The following LRRC7 variants were observed in gnomAD, a reference collection of about 807,000 sequenced individuals.
LRRC7 encodes the protein leucine rich repeat containing 7, also known as leucine-rich repeat-containing protein 7.
A neutral mutation model predicts 175.7 loss-of-function variants in LRRC7; 23 were observed. The observed-to-expected ratio is 0.13, with a 90% CI of 0.09 to 0.19. The LOEUF is 0.19. Ranked by LOEUF, LRRC7 falls within the 10% of genes least tolerant of loss-of-function variation. The pLI is 1.00. For synonymous variants in LRRC7, 685 were observed against 680.9 expected (o/e 1.01, Z -0.09); for missense variants, 1,354 against 1,904.7 (o/e 0.71, Z 5.38).
chr1:69,714,996 C>T (rs1029867137), intron 2 of LRRC7, among the ~76,000 whole-genome samples: 1 of 152,100 alleles, frequency 6.6e-6, no homozygotes, highest in Non-Finnish European at 1.5e-5. Flanking sequence ...ATTTTATGTG[C>T]TATTTATATA....
chr1:70,109,281 C>G (rs1435436767), intron 26 of LRRC7, among the ~76,000 whole-genome samples: 4 of 152,170 alleles, frequency 2.6e-5, no homozygotes, highest in African/African-American at 4.8e-5. Flanking sequence ...CTTGGCCTCC[C>G]AAAGTGCTGG....
At chr1:69,845,441 A>G (rs538537962) in intron 7 of LRRC7, among the ~76,000 whole-genome samples, 191 of 152,222 alleles carry the variant, frequency 1.3e-3, no homozygotes, top group African/African-American at 4.4e-3. Context: ...TATTTTTCAT[A>G]TAAGTTCATT....
intron 8 of LRRC7, 113 bp downstream of exon 8, chr1:69,931,683 G>A: frequency 1.2e-6 from 1 of 824,056 alleles, no homozygotes; most frequent in East Asian, 2.7e-5. Flanking sequence ...TTTGCTAAAT[G>A]TAAAAGTAAA....
intron 7 of LRRC7, among the ~76,000 whole-genome samples, chr1:69,900,588 A>G (rs1482530703): frequency 6.6e-6 from 1 of 152,194 alleles, no homozygotes; most frequent in Admixed American, 6.5e-5. Context: ...CTAAGGTGCC[A>G]AATCATAATA....
In LRRC7 at chr1:69,582,085, A is replaced by T. The variant is rs148061835; in HGVS notation, c.2+13444A>T. Reference sequence around the variant, plus strand: ...GCTCTTCATCTTCACATTTTTTTTCACTGCTGAGTTCTGTCATTTAAGACA... The same window carrying T: ...GCTCTTCATCTTCACATTTTTTTTCTCTGCTGAGTTCTGTCATTTAAGACA... On this transcript the variant is annotated intron_variant, in intron 1 of 26. Coordinates refer to ENST00000651989, the MANE Select transcript of LRRC7 (RefSeq NM_001370785.2). Among the ~76,000 whole-genome samples the T allele has an allele frequency of 1.4e-3, 216 of 152,118 alleles. 1 individual carries two copies. The highest frequency in any genetic ancestry group is 4.8e-3 in the African/African-American group (201 of 41,524).
intron 23 of LRRC7, among the ~76,000 whole-genome samples, chr1:70,057,935 CTG>C (rs1290632430): frequency 2.0e-5 from 3 of 147,504 alleles, no homozygotes; most frequent in Non-Finnish European, 4.5e-5. Context: ...GTGTTAAATG[CTG>C]TCTTTTTTTT....
intron 1 of LRRC7, among the ~76,000 whole-genome samples, chr1:69,594,120 A>T (rs1031153021): frequency 6.6e-6 from 1 of 152,144 alleles, no homozygotes; most frequent in Non-Finnish European, 1.5e-5. Context: ...TAAAATATTA[A>T]TTTTTACTGT....
At chr1:70,044,193 A>G (rs951872622) in intron 22 of LRRC7, 99 bp downstream of exon 22, 38 of 1,274,816 alleles carry the variant, frequency 3.0e-5, no homozygotes, top group African/African-American at 7.4e-5. Flanking sequence ...CCTGCTTACT[A>G]TAGGCTCCTA....
chr1:70,022,951 T>A (rs1657665807), intron 16 of LRRC7, among the ~76,000 whole-genome samples, 175 bp from the exon 17 acceptor site: 1 of 152,200 alleles, frequency 6.6e-6, no homozygotes, highest in Non-Finnish European at 1.5e-5. Context: ...TGTGACCCTT[T>A]AGCATCATAT....
chr1:70,106,867 T>C (rs932094938), intron 25 of LRRC7, among the ~76,000 whole-genome samples: 1 of 152,254 alleles, frequency 6.6e-6, no homozygotes, highest in African/African-American at 2.4e-5. Context: ...CTATCAGGTA[T>C]CTTCTCCTCT....
intron 3 of LRRC7, among the ~76,000 whole-genome samples, chr1:69,766,834 G>T (rs527271062): frequency 6.6e-6 from 1 of 152,058 alleles, no homozygotes; most frequent in African/African-American, 2.4e-5. Context: ...CAAATGGCAG[G>T]CTTCTACAAG....
chr1:70,134,553 A>G lies in LRRC7; in HGVS notation c.*12666A>G, dbSNP rs1666793122. Among the ~76,000 whole-genome samples the G allele has an allele frequency of 6.6e-6, 1 of 152,156 alleles. No homozygotes were observed. The highest frequency in any genetic ancestry group is 1.5e-5 in the Non-Finnish European group (1 of 68,026). ...CTTTTTTTCTTCCAACCCGGAGCAA[A>G]GGTAGAGGGAAGACAAGGTGTTCTT... is the stretch of plus-strand genomic sequence containing the variant. On this transcript the variant is annotated 3_prime_UTR_variant, in exon 27 of 27. Coordinates refer to ENST00000651989, the MANE Select transcript of LRRC7 (RefSeq NM_001370785.2).
intron 1 of LRRC7, among the ~76,000 whole-genome samples, chr1:69,671,868 G>A (rs4486403): frequency 0.061 from 9,253 of 152,194 alleles, 303 homozygotes; most frequent in South Asian, 0.1. Flanking sequence ...CCATGTGGCC[G>A]CTGCTGGGGG....
chr1:69,638,538 G>A (rs1036002451), intron 1 of LRRC7, among the ~76,000 whole-genome samples: 16 of 151,836 alleles, frequency 1.1e-4, no homozygotes, highest in African/African-American at 3.6e-4. Context: ...TAGAGGATTA[G>A]TATCCTTGGA....
At chr1:69,851,166 A>G (rs1682936707) in intron 7 of LRRC7, among the ~76,000 whole-genome samples, 1 of 152,178 alleles carries the variant, frequency 6.6e-6, no homozygotes, top group African/African-American at 2.4e-5. Context: ...AAGCATTGGC[A>G]TTAGCAAGAT....
intron 1 of LRRC7, among the ~76,000 whole-genome samples, chr1:69,642,893 T>C (rs1654449709): frequency 6.6e-6 from 1 of 151,968 alleles, no homozygotes; most frequent in East Asian, 1.9e-4. Context: ...TTGTGGAAAA[T>C]GGCTAATGTA....
At chr1:69,717,821 AG>A (rs1333530050) in intron 2 of LRRC7, among the ~76,000 whole-genome samples, 592 of 53,552 alleles carry the variant, frequency 0.011, 17 homozygotes, top group Non-Finnish European at 0.014. Context: ...AAAGAAAGAA[AG>A]AAAGAAAGAA....
intron 3 of LRRC7, among the ~76,000 whole-genome samples, chr1:69,772,454 G>T (rs1003367572): frequency 3.9e-5 from 6 of 152,152 alleles, no homozygotes; most frequent in Non-Finnish European, 7.4e-5. Flanking sequence ...AATCACACAA[G>T]TTCAAATAAG....
Position 70,106,225 on chromosome 1 carries a change from G to T in LRRC7, c.4546-1527G>T, listed in dbSNP as rs1665136038. On this transcript the variant is annotated intron_variant, in intron 25 of 26. Transcript: ENST00000651989. ...AAGTGATTTTTATGTGTTCAGAGTT[G>T]TGCAACCATCATGATTATCTAATTT... Among the ~76,000 whole-genome samples the T allele has an allele frequency of 2.0e-5, 3 of 152,094 alleles. No individual in the cohort carries two copies. In the South Asian group the frequency reaches 6.2e-4, roughly 32 times the overall value.
Sources: allele counts gnomAD v4.1 joint callset (sites outside exome capture counted in the v4.1 genomes callset), GRCh38; gene constraint gnomAD v4.1.1; transcripts MANE v1.5; gene names NCBI Gene and HGNC (gene_info 2026-07-23, HGNC 2026-07-21).